The following GSE1 variants were observed in gnomAD, a reference collection of about 807,000 sequenced individuals.
The protein encoded by GSE1 is Gse1 coiled-coil protein.
A neutral mutation model predicts 112.6 loss-of-function variants in GSE1; 32 were observed. The ratio of observed to expected loss-of-function variants is 0.28; its 90% confidence interval spans 0.21 to 0.38. The LOEUF (loss-of-function observed/expected upper bound fraction) is 0.38. GSE1 is among the 10% of genes least tolerant of loss of function. The pLI is 1.00. For synonymous variants in GSE1, 1,115 were observed against 735.6 expected (o/e 1.52, Z -8.35); for missense variants, 2,348 against 1,699.2 (o/e 1.38, Z -6.71).
intron 1 of GSE1, among the ~76,000 whole-genome samples, chr16:85,219,980 G>A (rs1395138014): frequency 2.0e-5 from 3 of 152,206 alleles, no homozygotes; most frequent in African/African-American, 7.2e-5. Context: ...GGGAATCCCT[G>A]CTGCTATTTT....
chr16:85,254,571 C>G (rs1597201821), intron 1 of GSE1, among the ~76,000 whole-genome samples: 1 of 152,280 alleles, frequency 6.6e-6, no homozygotes, highest in East Asian at 1.9e-4. Context: ...TTCTGGGGGG[C>G]CCTTGCCACC....
At chr16:85,225,927 C>G (rs984292478) in intron 1 of GSE1, among the ~76,000 whole-genome samples, 1 of 152,216 alleles carries the variant, frequency 6.6e-6, no homozygotes, top group African/African-American at 2.4e-5. Context: ...GAAGGCTCTG[C>G]TGGGGCTGGG....
chr16:85,172,595 G>A (rs950804357), intron 1 of GSE1, among the ~76,000 whole-genome samples: 2 of 152,268 alleles, frequency 1.3e-5, no homozygotes, highest in Non-Finnish European at 2.9e-5. Context: ...TGGGTCTGGG[G>A]AGGTAGATGT....
chr16:85,263,144 G>C (rs928662195), intron 1 of GSE1, among the ~76,000 whole-genome samples: 1 of 152,252 alleles, frequency 6.6e-6, no homozygotes, highest in East Asian at 1.9e-4. Context: ...CGCTTGGAGA[G>C]TGCGGGAGGG....
intron 2 of GSE1, among the ~76,000 whole-genome samples, chr16:85,436,741 G>C (rs1245463513): frequency 6.6e-6 from 1 of 152,240 alleles, no homozygotes; most frequent in Non-Finnish European, 1.5e-5. Flanking sequence ...CGGGCCAGCT[G>C]CCTGGCAGAG....
intron 1 of GSE1, among the ~76,000 whole-genome samples, chr16:85,557,457 G>GT (rs2045291512): frequency 6.6e-6 from 1 of 152,202 alleles, no homozygotes; most frequent in Non-Finnish European, 1.5e-5. Context: ...GAAGTTCCTA[G>GT]TTTTCCCATG....
intron 2 of GSE1, among the ~76,000 whole-genome samples, chr16:85,396,305 G>A (rs1597593829): frequency 6.6e-6 from 1 of 152,244 alleles, no homozygotes; most frequent in Non-Finnish European, 1.5e-5. Flanking sequence ...GGGAGTGGGT[G>A]GCCGTGTTGT....
chr16:85,256,694 G>A (rs571523889), intron 1 of GSE1, among the ~76,000 whole-genome samples: 5 of 152,356 alleles, frequency 3.3e-5, no homozygotes, highest in South Asian at 2.1e-4. Flanking sequence ...TCCCCGTCAC[G>A]GGGTGCTGAG....
chr16:85,317,575 C>G (rs571857013), intron 1 of GSE1, among the ~76,000 whole-genome samples: 2 of 152,050 alleles, frequency 1.3e-5, no homozygotes, highest in African/African-American at 4.8e-5. Flanking sequence ...AGCATCCATG[C>G]GCCCTGCACA....
chr16:85,569,603 A>G (rs1352692083), intron 1 of GSE1, among the ~76,000 whole-genome samples: 1 of 152,230 alleles, frequency 6.6e-6, no homozygotes, highest in Non-Finnish European at 1.5e-5. Flanking sequence ...TGTGATCGTC[A>G]TCATCACTGG....
intron 1 of GSE1, among the ~76,000 whole-genome samples, chr16:85,601,878 G>A (rs967040268): frequency 2.6e-5 from 4 of 152,192 alleles, no homozygotes; most frequent in Admixed American, 2.6e-4. Context: ...TGCATCGCTT[G>A]TCGAGCCCGC....
Position 85,657,580 on chromosome 16 carries a change from A to G in GSE1, c.1616A>G (p.Glu539Gly). The change falls in exon 8 of 16, where the codon GAG (glutamate) becomes GGG (glycine). Residue 539 changes from glutamate (E) to glycine (G), a missense_variant. Coordinates refer to ENST00000253458, the MANE Select transcript of GSE1 (RefSeq NM_014615.5). ...MGRPPVPAEA[E>G]HRPESTTRPG... The stretch of plus-strand genomic sequence containing the variant: ...CGGCCCCCGGTGCCGGCGGAGGCAG[A>G]GCACAGGCCGGAGAGCACCACCAGG... The G allele has an allele frequency of 1.3e-6, 2 of 1,559,362 alleles. No homozygotes were observed. The highest frequency in any genetic ancestry group is 1.2e-5 in the South Asian group (1 of 82,344).
chr16:85,460,994 C>G (rs1048973418), intron 2 of GSE1, among the ~76,000 whole-genome samples: 1 of 152,206 alleles, frequency 6.6e-6, no homozygotes, highest in East Asian at 1.9e-4. Context: ...CACAGGCTGA[C>G]GGCAGCCAGC....
intron 1 of GSE1, among the ~76,000 whole-genome samples, chr16:85,184,380 G>A (rs530299909): frequency 2.0e-5 from 3 of 152,320 alleles, no homozygotes; most frequent in East Asian, 1.9e-4. Flanking sequence ...GGAAAAGAGG[G>A]GAATCTGCAA....
chr16:85,222,999 G>C (rs1261765851), intron 1 of GSE1, among the ~76,000 whole-genome samples: 1 of 152,168 alleles, frequency 6.6e-6, no homozygotes, highest in Non-Finnish European at 1.5e-5. Context: ...TTTGCAGATA[G>C]TCTTACCGGA....
intron 1 of GSE1, among the ~76,000 whole-genome samples, chr16:85,572,562 TAC>T (rs1048392970): frequency 2.0e-5 from 3 of 151,728 alleles, no homozygotes; most frequent in Non-Finnish European, 4.4e-5. Context: ...CAACACGACA[TAC>T]ACACACACAC....
At chr16:85,427,160 C>G (rs1247526991) in intron 2 of GSE1, among the ~76,000 whole-genome samples, 3 of 152,144 alleles carry the variant, frequency 2.0e-5, no homozygotes, top group Non-Finnish European at 4.4e-5. Flanking sequence ...CAGCAGCTGC[C>G]CGCAGGTTCA....
intron 1 of GSE1, among the ~76,000 whole-genome samples, chr16:85,253,105 C>T (rs962063906): frequency 2.5e-4 from 35 of 138,694 alleles, no homozygotes; most frequent in Admixed American, 1.2e-3. Flanking sequence ...CTTGCAGGCC[C>T]GCTGAAGATG....
At chr16:85,389,738 C>T (rs1033037365) in intron 2 of GSE1, among the ~76,000 whole-genome samples, 4 of 152,132 alleles carry the variant, frequency 2.6e-5, no homozygotes, top group Non-Finnish European at 2.9e-5. Context: ...CACTGAAGCC[C>T]TTCCTGCTTG....
Sources: gnomAD v4.1 joint callset for allele counts (sites outside exome capture counted in the v4.1 genomes callset) on GRCh38, gnomAD v4.1.1 for gene constraint, MANE v1.5 for transcripts, NCBI Gene and HGNC (gene_info 2026-07-23, HGNC 2026-07-21) for gene names.